BRSK2: variants seen among roughly 807,000 people sequenced by gnomAD.
The protein encoded by BRSK2 is BR serine/threonine kinase 2.
A neutral mutation model predicts 83.3 loss-of-function variants in BRSK2; 19 were observed. That is an observed-to-expected ratio of 0.23 (90% CI 0.16 to 0.33). BRSK2 has a LOEUF of 0.33. Among genes scored for constraint, BRSK2 ranks in the 10% least tolerant of loss-of-function variants. The probability of loss-of-function intolerance (pLI) is 1.00; values close to 1 mark genes in which losing one functional copy is unlikely to be tolerated. For synonymous variants in BRSK2, 519 were observed against 435.4 expected, an observed-to-expected ratio of 1.19 and a Z score of -2.39; for missense variants, 798 against 1,042.3, an observed-to-expected ratio of 0.77 and a Z score of 3.23.
chr11:1,390,829 C>CGGCCACCGG lies in BRSK2; in HGVS notation c.91+459_91+467dup, dbSNP rs1276190219. On this transcript the variant is annotated intron_variant, in intron 1 of 19. Transcript: ENST00000528841. This position sits in a 1 kb window ranked among gnomAD's most constrained non-coding sequence, Gnocchi z 6.8. ...CGGCGGGACTCCCACCTCCGCGCGC[C>CGGCCACCGG]GGCCACCGGGGCCTCCGGGCAGGCC... Among the ~76,000 whole-genome samples, 8 of 152,262 alleles carry CGGCCACCGG rather than the reference C, an allele frequency of 5.3e-5. No homozygotes were observed. Among genetic ancestry groups the CGGCCACCGG allele is most frequent in the Non-Finnish European group, 1.0e-4 (7 of 67,992 alleles).
At chr11:1,397,191 G>A (rs1846185113) in intron 1 of BRSK2, among the ~76,000 whole-genome samples, 1 of 152,218 alleles carries the variant, frequency 6.6e-6, no homozygotes, top group African/African-American at 2.4e-5. Flanking sequence ...TGACCAAGCG[G>A]CCTGCAGATC....
At chr11:1,411,424 C>A (rs771905141) in intron 1 of BRSK2, 197 of 1,468,268 alleles carry the variant, frequency 1.3e-4, no homozygotes, top group Non-Finnish European at 1.7e-4. Flanking sequence ...GAGGGCCACC[C>A]CAGCCGATGG....
intron 18 of BRSK2, among the ~76,000 whole-genome samples, chr11:1,458,744 GGGAAGAGGGCCGA>G (rs1006698276): frequency 1.1e-4 from 17 of 152,206 alleles, no homozygotes; most frequent in Non-Finnish European, 2.2e-4. Context: ...CCCAGCAGTA[GGGAAGAGGGCCGA>G]GGAAGAGGGT....
chr11:1,445,551 G>T lies in BRSK2; in HGVS notation c.978-20G>T. 1.3e-6 allele frequency: 2 copies of T among 1,589,268 alleles called. No homozygotes were observed. Among genetic ancestry groups the T allele is most frequent in the Non-Finnish European group, 1.7e-6 (2 of 1,168,440 alleles). On this transcript the variant is annotated intron_variant, in intron 10 of 19. Transcript: ENST00000528841. ...GCGGCCCCGTGTGCCAGCGCGTCTC[G>T]CGCCTCTCGCCCGCTGTAGGGAGAA...
chr11:1,459,449 C>G (rs1305847422), intron 19 of BRSK2: 1 of 598,962 alleles, frequency 1.7e-6, no homozygotes, highest in African/African-American at 1.9e-5. Flanking sequence ...GGGTTCCTGG[C>G]CAGACTCACC....
Position 1,438,763 on chromosome 11 carries a change from C to T in BRSK2, c.272+372C>T, listed in dbSNP as rs1850700813. Among the ~76,000 whole-genome samples, 1 of 152,174 alleles carries T rather than the reference C, an allele frequency of 6.6e-6. No homozygotes were observed. The highest frequency in any genetic ancestry group is 1.5e-5 in the Non-Finnish European group (1 of 68,018). On this transcript the variant is annotated intron_variant, in intron 3 of 19. Transcript: ENST00000528841. The surrounding 1 kb of genome is among the most constrained non-coding windows in gnomAD (Gnocchi z 6.4). Reference sequence around the variant, plus strand: ...GGCCTCTGCCCAGGACGTCCCCAGCCCTGGGCAGTGAGCCATGTCTCTATC... The same window carrying T: ...GGCCTCTGCCCAGGACGTCCCCAGCTCTGGGCAGTGAGCCATGTCTCTATC...
Position 1,440,307 on chromosome 11 carries a change from G to A in BRSK2, c.273-481G>A, listed in dbSNP as rs1290171530. Among the ~76,000 whole-genome samples, 4 of 152,124 alleles carry A rather than the reference G, an allele frequency of 2.6e-5. No individual in the cohort carries two copies. The East Asian group carries it at 7.7e-4, about 29-fold the overall frequency. ...CCTTCCCCTGGCCCTCACACCTCCT[G>A]TTCCCCCCACAGAGGCCCAGACAGT... On this transcript the variant is annotated intron_variant, in intron 3 of 19. Transcript: ENST00000528841.
chr11:1,406,023 A>G (rs1333597619), intron 1 of BRSK2, among the ~76,000 whole-genome samples: 1 of 151,812 alleles, frequency 6.6e-6, no homozygotes, highest in Non-Finnish European at 1.5e-5. Context: ...GGAGACAGGA[A>G]CCTCCCAACT....
chr11:1,443,683 CG>C, intron 8 of BRSK2, 48 bp downstream of exon 8: 1 of 1,488,556 alleles, frequency 6.7e-7, no homozygotes. Flanking sequence ...CGGGGGGGCG[CG>C]GGGGCGGGCG....
intron 1 of BRSK2, among the ~76,000 whole-genome samples, chr11:1,392,767 G>A (rs1382707654): frequency 2.6e-5 from 4 of 152,194 alleles, no homozygotes; most frequent in African/African-American, 4.8e-5. Flanking sequence ...CAGCGTGAGC[G>A]CTGCATGGTC....
chr11:1,434,351 C>G (rs563416510), intron 1 of BRSK2, among the ~76,000 whole-genome samples: 1,779 of 77,272 alleles, frequency 0.023, no homozygotes, highest in Middle Eastern at 0.13. Flanking sequence ...GCCGGCTCTG[C>G]GTGTCTGGGG....
chr11:1,456,317 C>T (rs374223707), intron 16 of BRSK2, 31 bp from the exon 17 acceptor site: 66 of 1,521,884 alleles, frequency 4.3e-5, no homozygotes, highest in Non-Finnish European at 5.6e-5. Context: ...CCTGCCAGGC[C>T]AGCCACGCTC....
intron 1 of BRSK2, among the ~76,000 whole-genome samples, chr11:1,405,288 G>A (rs957334310): frequency 2.0e-5 from 3 of 152,114 alleles, no homozygotes; most frequent in African/African-American, 7.2e-5. Context: ...GGAGCCCTGC[G>A]TGCCAGCTGG....
At chr11:1,449,154 C>T (rs778402798) in intron 12 of BRSK2, among the ~76,000 whole-genome samples, 19 of 152,330 alleles carry the variant, frequency 1.2e-4, no homozygotes, top group South Asian at 4.1e-4. Flanking sequence ...CAGCCGGGCA[C>T]GCCGGGCCAG....
At position 1,460,743 on chromosome 11, in the gene BRSK2, C is replaced by CA. The variant is rs1423032769; in HGVS notation, c.*21dup. 2.2e-6 allele frequency: 3 copies of CA among 1,383,686 alleles called. No individual in the cohort carries two copies. In the African/African-American group the frequency reaches 4.9e-5, roughly 23 times the overall value. The allele number at this position is 1,383,686 out of a possible 1,614,324, so 85.7% of individuals were successfully genotyped here. ...CCTTAGACACACTAGCCCCCCCCCC[C>CA]AGCACAGCACTGACAGCGGCTGCCT... On this transcript the variant is annotated 3_prime_UTR_variant, in exon 20 of 20. Coordinates refer to ENST00000528841, the MANE Select transcript of BRSK2 (RefSeq NM_001256627.2).
chr11:1,456,774 C>G, intron 18 of BRSK2, 87 bp downstream of exon 18: 2 of 1,407,274 alleles, frequency 1.4e-6, no homozygotes, highest in Non-Finnish European at 1.9e-6. Context: ...CGTGAGGACC[C>G]GGGCGCAGCC....
intron 1 of BRSK2, among the ~76,000 whole-genome samples, chr11:1,435,604 G>T (rs1212545418): frequency 6.8e-6 from 1 of 146,938 alleles, no homozygotes; most frequent in Non-Finnish European, 1.5e-5. Flanking sequence ...GTCGGTGGGG[G>T]TCTCGGCGGA....
At position 1,454,127 on chromosome 11, in the gene BRSK2, C is replaced by A; in HGVS notation, c.1545-358C>A. Reference sequence around the variant, plus strand: ...GGCACAGCTGACTTCAGGAGCCCAGCTTGAGCCACCTCTCACAGCGGCCTT... The same window carrying A: ...GGCACAGCTGACTTCAGGAGCCCAGATTGAGCCACCTCTCACAGCGGCCTT... On this transcript the variant is annotated intron_variant, in intron 15 of 19. Coordinates refer to ENST00000528841, the MANE Select transcript of BRSK2 (RefSeq NM_001256627.2). This position sits in a 1 kb window ranked among gnomAD's most constrained non-coding sequence, Gnocchi z 5.2. 1 of 168,970 alleles carries A rather than the reference C, an allele frequency of 5.9e-6. No individual in the cohort carries two copies. The highest frequency in any genetic ancestry group is 1.2e-5 in the Non-Finnish European group (1 of 85,750). The allele number at this position is 168,970 out of a possible 1,614,324, so 10.5% of individuals were successfully genotyped here. A position where few individuals can be genotyped will look rare whatever the true frequency, so the allele number is the denominator to read the frequency against.
chr11:1,454,319 A>G lies in BRSK2; in HGVS notation c.1545-166A>G, dbSNP rs113432906. 702 of 753,940 alleles carry G rather than the reference A, an allele frequency of 9.3e-4. 7 individuals carry two copies. The African/African-American group carries it at 0.011, about 12-fold the overall frequency. The allele number at this position is 753,940 out of a possible 1,614,324, so 46.7% of individuals were successfully genotyped here. ...TGGTCAGGGCATATGGGCTAGGGTT[A>G]GGGCGTTGGGGTCAGGGCCATGGGT... On this transcript the variant is annotated intron_variant, in intron 15 of 19. Transcript: ENST00000528841. The surrounding 1 kb of genome is among the most constrained non-coding windows in gnomAD (Gnocchi z 5.2).
Sources: gnomAD v4.1 joint callset for allele counts (sites outside exome capture counted in the v4.1 genomes callset) on GRCh38, gnomAD v4.1.1 for gene constraint, Gnocchi (gnomAD v3.1) non-coding constraint, MANE v1.5 for transcripts, NCBI Gene and HGNC (gene_info 2026-07-23, HGNC 2026-07-21) for gene names.